ATP8A2: variants seen among roughly 807,000 people sequenced by gnomAD.
ATP8A2 encodes the protein phospholipid-transporting ATPase IB.
A neutral mutation model predicts 165.6 loss-of-function variants in ATP8A2; 100 were observed. That is an observed-to-expected ratio of 0.60 (90% CI 0.51 to 0.71). The LOEUF (loss-of-function observed/expected upper bound fraction) is 0.71, where lower values mean the gene tolerates loss of function less well. Among genes scored for constraint, ATP8A2 ranks in the 30% least tolerant of loss-of-function variants. The probability of loss-of-function intolerance (pLI) is 0.00; values close to 1 mark genes in which losing one functional copy is unlikely to be tolerated. For synonymous variants in ATP8A2, 543 were observed against 548.8 expected (o/e 0.99, Z 0.15); for missense variants, 1,227 against 1,479.5 (o/e 0.83, Z 2.80).
chr13:25,578,180 T>C (rs2039670459), intron 20 of ATP8A2, among the ~76,000 whole-genome samples: 1 of 152,230 alleles, frequency 6.6e-6, no homozygotes, highest in African/African-American at 2.4e-5. Context: ...AGGTGTGTTG[T>C]ATTTTTATAG....
chr13:25,540,247 T>TA, intron 7 of ATP8A2, 72 bp from the exon 8 acceptor site: 1 of 1,130,942 alleles, frequency 8.8e-7, no homozygotes, highest in South Asian at 1.2e-5. Context: ...GATTCCATAA[T>TA]AGAGATTTTC....
At chr13:25,889,893 T>G (rs879324315) in intron 33 of ATP8A2, among the ~76,000 whole-genome samples, 18 of 152,274 alleles carry the variant, frequency 1.2e-4, no homozygotes, top group Middle Eastern at 3.4e-3. Flanking sequence ...CCGGGCGCGG[T>G]GGTTCACGCC....
chr13:25,981,694 C>T (rs12859380), intron 35 of ATP8A2, among the ~76,000 whole-genome samples: 4,943 of 152,066 alleles, frequency 0.033, 108 homozygotes, highest in Non-Finnish European at 0.049. Context: ...AATTTAAAAA[C>T]GAGTGGCTGA....
rs564400180 is a variant in ATP8A2 at position 25,911,625 on chromosome 13, G to A, written c.3183+49217G>A. ...GCAGCTTCGAACTCATATGGTGAAG[G>A]ATAGGACCTGGGCCCAACAACTCTA... On this transcript the variant is annotated intron_variant, in intron 33 of 36. Coordinates refer to ENST00000381655, the MANE Select transcript of ATP8A2 (RefSeq NM_016529.6). Among the ~76,000 whole-genome samples, 74 of 152,306 alleles carry A rather than the reference G, an allele frequency of 4.9e-4. 1 individual carries two copies. The highest frequency in any genetic ancestry group is 1.7e-3 in the African/African-American group (69 of 41,558).
At chr13:25,566,964 A>G (rs189659418) in intron 16 of ATP8A2, among the ~76,000 whole-genome samples, 1 of 152,318 alleles carries the variant, frequency 6.6e-6, no homozygotes, top group East Asian at 1.9e-4. Context: ...CTCTTTGGTG[A>G]CTGTCATGGC....
intron 34 of ATP8A2, among the ~76,000 whole-genome samples, chr13:25,967,934 A>G (rs983388827): frequency 6.6e-6 from 1 of 152,172 alleles, no homozygotes; most frequent in African/African-American, 2.4e-5. Context: ...CATAAGTTGT[A>G]TTAATGTCAC....
At chr13:25,477,745 T>A (rs912640234) in intron 2 of ATP8A2, among the ~76,000 whole-genome samples, 5 of 152,190 alleles carry the variant, frequency 3.3e-5, no homozygotes, top group Admixed American at 2.0e-4. Context: ...AAGGCCAGCC[T>A]GGTGAACATG....
intron 33 of ATP8A2, among the ~76,000 whole-genome samples, chr13:25,883,954 G>C (rs542355413): frequency 6.6e-6 from 1 of 152,338 alleles, no homozygotes; most frequent in South Asian, 2.1e-4. Flanking sequence ...ACAGGAAGCA[G>C]AGCAAGGAGT....
chr13:25,439,598 T>TA (rs974038526), intron 1 of ATP8A2, among the ~76,000 whole-genome samples: 1 of 152,132 alleles, frequency 6.6e-6, no homozygotes, highest in African/African-American at 2.4e-5. Flanking sequence ...TTGGGGGACT[T>TA]ATATATGTTT....
intron 27 of ATP8A2, among the ~76,000 whole-genome samples, chr13:25,824,645 G>C (rs142545770): frequency 4.5e-4 from 69 of 152,288 alleles, no homozygotes; most frequent in African/African-American, 1.6e-3. Flanking sequence ...TCCCTTAGGA[G>C]AGGAGGCCTG....
At chr13:25,677,865 C>T (rs1246657883) in intron 24 of ATP8A2, among the ~76,000 whole-genome samples, 1 of 151,922 alleles carries the variant, frequency 6.6e-6, no homozygotes, top group Non-Finnish European at 1.5e-5. Flanking sequence ...GGACTTCAGA[C>T]TTTAAGGAAT....
At chr13:25,426,201 C>T (rs36018437) in intron 1 of ATP8A2, among the ~76,000 whole-genome samples, 1 of 152,156 alleles carries the variant, frequency 6.6e-6, no homozygotes, top group Non-Finnish European at 1.5e-5. Context: ...GATCTGCACA[C>T]AGTACTAGAA....
At chr13:25,988,558 G>A (rs1225914613) in intron 35 of ATP8A2, among the ~76,000 whole-genome samples, 1 of 152,160 alleles carries the variant, frequency 6.6e-6, no homozygotes, top group Non-Finnish European at 1.5e-5. Flanking sequence ...CTCCCTCCAT[G>A]TGGGATGAAG....
intron 24 of ATP8A2, among the ~76,000 whole-genome samples, chr13:25,680,966 G>C (rs1225719815): frequency 6.6e-6 from 1 of 152,192 alleles, no homozygotes; most frequent in African/African-American, 2.4e-5. Flanking sequence ...CTGCACAAAA[G>C]AATTCTAATT....
intron 33 of ATP8A2, among the ~76,000 whole-genome samples, chr13:25,942,317 G>T (rs1269222411): frequency 6.6e-6 from 1 of 152,208 alleles, no homozygotes; most frequent in Non-Finnish European, 1.5e-5. Flanking sequence ...GCATAATCTG[G>T]AATGAAATGC....
chr13:25,898,583 G>T (rs1953639136), intron 33 of ATP8A2, among the ~76,000 whole-genome samples: 2 of 152,196 alleles, frequency 1.3e-5, no homozygotes, highest in African/African-American at 4.8e-5. Flanking sequence ...GTCTGCAGAG[G>T]TTATTGCTGT....
chr13:25,578,421 G>T (rs763315112), intron 20 of ATP8A2, among the ~76,000 whole-genome samples: 1 of 152,140 alleles, frequency 6.6e-6, no homozygotes, highest in Non-Finnish European at 1.5e-5. Flanking sequence ...AGCTCCTCCC[G>T]TATTGGGAGG....
At chr13:25,827,274 G>A (rs1020881506) in intron 27 of ATP8A2, among the ~76,000 whole-genome samples, 10 of 151,956 alleles carry the variant, frequency 6.6e-5, no homozygotes, top group South Asian at 2.1e-4. Context: ...ACCACACCCC[G>A]CTAATTTTTG....
intron 25 of ATP8A2, among the ~76,000 whole-genome samples, chr13:25,759,360 G>A (rs1244308091): frequency 6.6e-6 from 1 of 152,148 alleles, no homozygotes; most frequent in African/African-American, 2.4e-5. Flanking sequence ...ATGAGCTCAC[G>A]ATGCCTGGTC....
Sources: gnomAD v4.1 joint callset for allele counts (sites outside exome capture counted in the v4.1 genomes callset) on GRCh38, gnomAD v4.1.1 for gene constraint, MANE v1.5 for transcripts, NCBI Gene and HGNC (gene_info 2026-07-23, HGNC 2026-07-21) for gene names.